Variants in KCNQ3 observed in about 807,000 individuals in gnomAD.
KCNQ3 encodes potassium voltage-gated channel subfamily Q member 3.
A neutral mutation model predicts 92.5 loss-of-function variants in KCNQ3; 30 were observed. That is an observed-to-expected ratio of 0.32 (90% CI 0.24 to 0.44). KCNQ3 has a LOEUF of 0.44. Ranked by LOEUF, KCNQ3 falls within the 20% of genes least tolerant of loss-of-function variation. The probability of loss-of-function intolerance (pLI) is 1.00; values close to 1 mark genes in which losing one functional copy is unlikely to be tolerated. For synonymous variants in KCNQ3, 450 were observed against 468.8 expected (o/e 0.96, Z 0.52); for missense variants, 913 against 1,140.3 (o/e 0.80, Z 2.87).
intron 1 of KCNQ3, among the ~76,000 whole-genome samples, chr8:132,426,461 T>G (rs1821113052): frequency 6.6e-6 from 1 of 152,238 alleles, no homozygotes; most frequent in African/African-American, 2.4e-5. Flanking sequence ...TGGTTTGCTC[T>G]CTGTGATCCC....
intron 1 of KCNQ3, among the ~76,000 whole-genome samples, chr8:132,298,683 G>A (rs1007366819): frequency 5.9e-5 from 9 of 152,164 alleles, no homozygotes; most frequent in South Asian, 2.1e-4. Context: ...CAAGGCAGGC[G>A]ATCACCTGAG....
At chr8:132,234,426 C>T (rs1814744291) in intron 1 of KCNQ3, among the ~76,000 whole-genome samples, 1 of 137,994 alleles carries the variant, frequency 7.2e-6, no homozygotes, top group Non-Finnish European at 1.5e-5. Context: ...GAAATTGGCT[C>T]AGGGAAAGCC....
chr8:132,338,414 G>A (rs569200027), intron 1 of KCNQ3, among the ~76,000 whole-genome samples: 34 of 152,314 alleles, frequency 2.2e-4, no homozygotes, highest in Non-Finnish European at 4.6e-4. Context: ...TAAGCTCCAT[G>A]TCCTCTCTGA....
chr8:132,240,262 C>T (rs903019490), intron 1 of KCNQ3, among the ~76,000 whole-genome samples: 1 of 148,926 alleles, frequency 6.7e-6, no homozygotes, highest in African/African-American at 2.5e-5. Flanking sequence ...TCTCAGCTCA[C>T]TGCAACCTCT....
chr8:132,400,323 G>A (rs1001939505), intron 1 of KCNQ3, among the ~76,000 whole-genome samples: 5 of 152,170 alleles, frequency 3.3e-5, no homozygotes, highest in Non-Finnish European at 7.3e-5. Flanking sequence ...ACCACGATCC[G>A]ATTTGCAGGC....
At chr8:132,337,657 C>T (rs906053597) in intron 1 of KCNQ3, among the ~76,000 whole-genome samples, 1 of 152,014 alleles carries the variant, frequency 6.6e-6, no homozygotes, top group Admixed American at 6.6e-5. Flanking sequence ...GTATAAAAGA[C>T]TCCTCAGACC....
intron 1 of KCNQ3, among the ~76,000 whole-genome samples, chr8:132,413,206 T>C (rs1820699165): frequency 6.6e-6 from 1 of 152,250 alleles, no homozygotes; most frequent in African/African-American, 2.4e-5. Context: ...ACACCTTCAG[T>C]GGCTCCCACT....
chr8:132,349,563 C>A (rs1435847334), intron 1 of KCNQ3, among the ~76,000 whole-genome samples: 1 of 152,200 alleles, frequency 6.6e-6, no homozygotes, highest in Non-Finnish European at 1.5e-5. Flanking sequence ...AGATGTGATG[C>A]AAGAAGGGGC....
chr8:132,275,988 C>T (rs72719170), intron 1 of KCNQ3, among the ~76,000 whole-genome samples: 4,065 of 152,246 alleles, frequency 0.027, 80 homozygotes, highest in Non-Finnish European at 0.041. Context: ...CTATGATTTA[C>T]TGACCACTTA....
At chr8:132,298,655 C>G (rs1229085903) in intron 1 of KCNQ3, among the ~76,000 whole-genome samples, 1 of 152,188 alleles carries the variant, frequency 6.6e-6, no homozygotes, top group African/African-American at 2.4e-5. Flanking sequence ...TGCCTGCAAT[C>G]CCAGCACTTT....
intron 12 of KCNQ3, among the ~76,000 whole-genome samples, chr8:132,135,080 C>T (rs1825038572): frequency 6.6e-6 from 1 of 152,170 alleles, no homozygotes; most frequent in South Asian, 2.1e-4. Context: ...TACTCTCCCT[C>T]CTACCACCTT....
Position 132,128,285 on chromosome 8 carries a change from T to C in KCNQ3, c.*977A>G, listed in dbSNP as rs1473210522. The C allele has an allele frequency of 1.3e-5, 2 of 152,196 alleles. No individual in the cohort carries two copies. Among genetic ancestry groups the C allele is most frequent in the African/African-American group, 4.8e-5 (2 of 41,444 alleles). The allele number at this position is 152,196 out of a possible 1,614,324, so 9.4% of individuals were successfully genotyped here. A position where few individuals can be genotyped will look rare whatever the true frequency, so the allele number is the denominator to read the frequency against. ...CTTTACCTGAGCCTAAGATTCTTCA[T>C]TTATAAAAGGAAGTCCTTGGACTAG... On this transcript the variant is annotated 3_prime_UTR_variant, in exon 15 of 15. Coordinates refer to ENST00000388996, the MANE Select transcript of KCNQ3 (RefSeq NM_004519.4).
intron 1 of KCNQ3, among the ~76,000 whole-genome samples, chr8:132,432,697 C>T (rs998897557): frequency 1.3e-5 from 2 of 152,200 alleles, no homozygotes; most frequent in Non-Finnish European, 2.9e-5. Flanking sequence ...GTCCTGCCTA[C>T]TTCTTCCCCC....
intron 1 of KCNQ3, among the ~76,000 whole-genome samples, chr8:132,277,433 A>T (rs1267233085): frequency 6.6e-6 from 1 of 152,190 alleles, no homozygotes; most frequent in Non-Finnish European, 1.5e-5. Context: ...GATAGTGTGG[A>T]GGAGCTACAC....
intron 1 of KCNQ3, among the ~76,000 whole-genome samples, chr8:132,203,030 G>T (rs941466846): frequency 1.3e-5 from 2 of 152,150 alleles, no homozygotes; most frequent in African/African-American, 4.8e-5. Context: ...ATACCAAGGT[G>T]CTGGCCTCCT....
chr8:132,270,558 C>A (rs1207399267), intron 1 of KCNQ3, among the ~76,000 whole-genome samples: 3 of 152,138 alleles, frequency 2.0e-5, no homozygotes, highest in Non-Finnish European at 4.4e-5. Context: ...ATCTGGTGTG[C>A]TTCTTGCTTT....
chr8:132,234,893 G>A (rs1814761677), intron 1 of KCNQ3, among the ~76,000 whole-genome samples: 1 of 152,168 alleles, frequency 6.6e-6, no homozygotes, highest in Non-Finnish European at 1.5e-5. Context: ...CTGGGCTGCT[G>A]CAGGGTCTTC....
chr8:132,205,892 G>T (rs1183238841), intron 1 of KCNQ3, among the ~76,000 whole-genome samples: 1 of 152,150 alleles, frequency 6.6e-6, no homozygotes, highest in East Asian at 1.9e-4. Flanking sequence ...AGATGTGCAA[G>T]GCAGAGCATC....
At chr8:132,412,278 G>A (rs920220463) in intron 1 of KCNQ3, among the ~76,000 whole-genome samples, 6 of 150,176 alleles carry the variant, frequency 4.0e-5, no homozygotes, top group East Asian at 2.0e-4. Flanking sequence ...CCCACCCGCC[G>A]GCCCCAATAA....
Sources: gnomAD v4.1 joint callset for allele counts (sites outside exome capture counted in the v4.1 genomes callset) on GRCh38, gnomAD v4.1.1 for gene constraint, MANE v1.5 for transcripts, NCBI Gene and HGNC (gene_info 2026-07-23, HGNC 2026-07-21) for gene names.